Variants in TTC22 observed in about 807,000 individuals in gnomAD.
TTC22 encodes tetratricopeptide repeat protein 22.
In TTC22, 42 loss-of-function variants were observed where a neutral mutation model predicts 48.2. The observed-to-expected ratio is 0.87, with a 90% CI of 0.68 to 1.13. The LOEUF (loss-of-function observed/expected upper bound fraction) is 1.13, where lower values mean the gene tolerates loss of function less well. Among genes scored for constraint, TTC22 ranks in the 50% most tolerant of loss-of-function variants. The pLI, the probability that TTC22 is intolerant of heterozygous loss-of-function variation, is 0.00. For synonymous variants in TTC22, 345 were observed against 365.5 expected (o/e 0.94, Z 0.64); for missense variants, 784 against 807.0 (o/e 0.97, Z 0.34).
At position 54,781,273 on chromosome 1, in the gene TTC22, C is replaced by A; in HGVS notation, c.1680G>T (p.Ala560=). Residue 560 remains alanine (A), a synonymous_variant, in exon 7 of 7, where the codon GCG becomes GCT. Coordinates refer to ENST00000371276, the MANE Select transcript of TTC22 (RefSeq NM_001114108.2). ...ATGAGACAGCCCGGCGGTCCCGCGG[C>A]GCGCTGGCGCCCTCGCCCTCGCGCT... ...TMEREGEGAS[A]PRDRRAVSF 1 of 1,477,274 alleles carries A rather than the reference C, an allele frequency of 6.8e-7. No homozygotes were observed. The highest frequency in any genetic ancestry group is 8.9e-7 in the Non-Finnish European group (1 of 1,122,272). The allele number at this position is 1,477,274 out of a possible 1,614,324, so 91.5% of individuals were successfully genotyped here. A position where few individuals can be genotyped will look rare whatever the true frequency, so the allele number is the denominator to read the frequency against.
intron 5 of TTC22, chr1:54,784,436 C>T (rs914835424): frequency 1.9e-6 from 1 of 524,752 alleles, no homozygotes; most frequent in African/African-American, 2.1e-5. Flanking sequence ...GAATGCAGTT[C>T]CTTGGGGAAG....
chr1:54,785,641 G>A (rs2270002), intron 5 of TTC22: 27,562 of 407,532 alleles, frequency 0.068, 1,385 homozygotes, highest in East Asian at 0.27. Context: ...GTGAGACCTC[G>A]TCTCTACAAA....
chr1:54,783,874 C>T (rs187944642), intron 5 of TTC22, among the ~76,000 whole-genome samples: 1 of 152,248 alleles, frequency 6.6e-6, no homozygotes, highest in Admixed American at 6.5e-5. Context: ...TTGTGGTGCA[C>T]ACCTGTGGTC....
chr1:54,801,274 A>G lies in TTC22; in HGVS notation c.-111T>C, dbSNP rs1646436691. On this transcript the variant is annotated 5_prime_UTR_variant, in exon 1 of 7. Transcript: ENST00000371276. ...GTGCGGGAGGCGAGGGGCAGCCGGC[A>G]GAGGCCCCGGGCGCTGCGGCCTCTC... 1.8e-6 allele frequency: 2 copies of G among 1,142,044 alleles called. No individual in the cohort carries two copies. Among genetic ancestry groups the G allele is most frequent in the Non-Finnish European group, 2.5e-6 (2 of 812,670 alleles). 70.7% of individuals were successfully genotyped at this position (1,142,044 alleles called of 1,614,324 possible).
At chr1:54,791,020 C>A (rs897842785) in intron 1 of TTC22, among the ~76,000 whole-genome samples, 1 of 152,084 alleles carries the variant, frequency 6.6e-6, no homozygotes, top group African/African-American at 2.4e-5. Context: ...CCACCACACC[C>A]GACTAGTTTT....
chr1:54,797,037 G>C (rs573269494), intron 1 of TTC22, among the ~76,000 whole-genome samples: 1 of 152,252 alleles, frequency 6.6e-6, no homozygotes, highest in East Asian at 1.9e-4. Flanking sequence ...CCCCTGCCTG[G>C]TGCTTTTCAT....
At position 54,800,714 on chromosome 1, in the gene TTC22, C is replaced by G. The variant is rs775225205; in HGVS notation, c.450G>C (p.Leu150=). The G allele has an allele frequency of 5.3e-5, 82 of 1,544,994 alleles. 2 individuals carry two copies. The South Asian group carries it at 9.6e-4, about 18-fold the overall frequency. ...AGCCATGCGCGTAGCCCTGCTCGGC[C>G]AGGCAGCGAGCGGCGCGGAGCTGGG... is the stretch of plus-strand genomic sequence containing the variant. ...GDPQLRAARC[L]AEQGYAHGFD... Residue 150 remains leucine (L), a synonymous_variant, in exon 1 of 7, where the codon CTG becomes CTC. Coordinates refer to ENST00000371276, the MANE Select transcript of TTC22 (RefSeq NM_001114108.2).
chr1:54,789,473 C>T lies in TTC22; in HGVS notation c.568-1376G>A, dbSNP rs573897767. 2.5e-3 allele frequency among the ~76,000 whole-genome samples: 386 copies of T among 152,304 alleles called. 4 individuals are homozygous for T. Among genetic ancestry groups the T allele is most frequent in the African/African-American group, 8.9e-3 (370 of 41,562 alleles). On this transcript the variant is annotated intron_variant, in intron 1 of 6. Coordinates refer to ENST00000371276, the MANE Select transcript of TTC22 (RefSeq NM_001114108.2). The stretch of plus-strand genomic sequence containing the variant: ...GCTAGCAGGTTAGGTGTGGCTGCTC[C>T]GGGGAAACCTTGGATGAATTTGAAG...
intron 1 of TTC22, among the ~76,000 whole-genome samples, chr1:54,791,667 C>T (rs554634846): frequency 6.6e-6 from 1 of 152,276 alleles, no homozygotes; most frequent in South Asian, 2.1e-4. Flanking sequence ...CTCCCAGGAC[C>T]TCAGGACCTC....
chr1:54,785,873 C>T (rs1646296145), intron 5 of TTC22, 110 bp downstream of exon 5: 4 of 1,046,230 alleles, frequency 3.8e-6, no homozygotes, highest in Non-Finnish European at 5.5e-6. Flanking sequence ...AAGCTCCCTT[C>T]CACCATGAGG....
At position 54,780,405 on chromosome 1, in the gene TTC22, T is replaced by TTGAACCCAGGAGATGGAGGTTGCAG. The variant is rs1646252682; in HGVS notation, c.*813_*837dup. Reference sequence around the variant, plus strand: ...TGGAAGGCTGAGGCGGGAAGATCGCTTGAACCCAGGAGATGGAGGTTGCAG... The same window carrying TTGAACCCAGGAGATGGAGGTTGCAG: ...TGGAAGGCTGAGGCGGGAAGATCGCTTGAACCCAGGAGATGGAGGTTGCAGTGAACCCAGGAGATGGAGGTTGCAG... On this transcript the variant is annotated 3_prime_UTR_variant, in exon 7 of 7. Transcript: ENST00000371276. The TTGAACCCAGGAGATGGAGGTTGCAG allele has an allele frequency of 6.6e-6, 1 of 150,680 alleles. No individual in the cohort carries two copies. The highest frequency in any genetic ancestry group is 2.4e-5 in the African/African-American group (1 of 40,824). The allele number at this position is 150,680 out of a possible 1,614,324, so 9.3% of individuals were successfully genotyped here. A position where few individuals can be genotyped will look rare whatever the true frequency, so the allele number is the denominator to read the frequency against.
chr1:54,790,869 T>C (rs1349562671), intron 1 of TTC22, among the ~76,000 whole-genome samples: 1 of 152,024 alleles, frequency 6.6e-6, no homozygotes, highest in Non-Finnish European at 1.5e-5. Flanking sequence ...TTCTTCTTCT[T>C]CCTCTTTTTT....
chr1:54,781,024 C>T lies in TTC22; in HGVS notation c.*219G>A, dbSNP rs909950570. ...TCCCAGTGTTTTCTCACCTCTGCTC[C>T]CAGCCTCTTCTGCTCTCGGGAATCA... On this transcript the variant is annotated 3_prime_UTR_variant, in exon 7 of 7. Coordinates refer to ENST00000371276, the MANE Select transcript of TTC22 (RefSeq NM_001114108.2). 8 of 397,702 alleles carry T rather than the reference C, an allele frequency of 2.0e-5. No homozygotes were observed. Among genetic ancestry groups the T allele is most frequent in the Non-Finnish European group, 3.6e-5 (8 of 224,788 alleles). The allele number at this position is 397,702 out of a possible 1,614,324, so 24.6% of individuals were successfully genotyped here.
intron 1 of TTC22, among the ~76,000 whole-genome samples, chr1:54,795,330 T>C (rs1044059329): frequency 3.9e-5 from 6 of 152,222 alleles, no homozygotes; most frequent in Non-Finnish European, 7.3e-5. Context: ...AAACAAATAT[T>C]TGGCCCTGTC....
intron 5 of TTC22, chr1:54,784,965 C>A (rs966618742): frequency 4.1e-6 from 1 of 246,246 alleles, no homozygotes; most frequent in South Asian, 4.8e-5. Flanking sequence ...TGAGATAATT[C>A]AAAAATATGC....
chr1:54,789,577 C>T (rs937317535), intron 1 of TTC22, among the ~76,000 whole-genome samples: 5 of 152,220 alleles, frequency 3.3e-5, no homozygotes, highest in African/African-American at 7.2e-5. Context: ...AGGTCCCAGT[C>T]AGACCACCCA....
At chr1:54,796,910 G>T (rs769094501) in intron 1 of TTC22, among the ~76,000 whole-genome samples, 4 of 152,170 alleles carry the variant, frequency 2.6e-5, no homozygotes, top group Admixed American at 2.0e-4. Flanking sequence ...CACTCTAGGG[G>T]CAAGAAAGAA....
chr1:54,784,929 A>G (rs1423715312), intron 5 of TTC22: 1 of 464,218 alleles, frequency 2.2e-6, no homozygotes, highest in Non-Finnish European at 3.5e-6. Context: ...CTGAATGACT[A>G]TGCAGTGGAC....
At chr1:54,796,252 G>C (rs1471421915) in intron 1 of TTC22, among the ~76,000 whole-genome samples, 1 of 152,258 alleles carries the variant, frequency 6.6e-6, no homozygotes. Flanking sequence ...GCTGACCTAT[G>C]ACACTCTCTT....
Sources: gnomAD v4.1 joint callset for allele counts (sites outside exome capture counted in the v4.1 genomes callset) on GRCh38, gnomAD v4.1.1 for gene constraint, MANE v1.5 for transcripts, NCBI Gene and HGNC (gene_info 2026-07-23, HGNC 2026-07-21) for gene names.